The following CHD2 variants were observed in gnomAD, a reference collection of about 807,000 sequenced individuals.
The protein encoded by CHD2 is chromodomain helicase DNA binding protein 2.
In CHD2, 28 loss-of-function variants were observed where a neutral mutation model predicts 243.9. The ratio of observed to expected loss-of-function variants is 0.11; its 90% CI spans 0.09 to 0.16. The LOEUF (loss-of-function observed/expected upper bound fraction) is 0.16, where lower values mean the gene tolerates loss of function less well. Ranked by LOEUF, CHD2 falls within the 10% of genes least tolerant of loss-of-function variation. The probability of loss-of-function intolerance (pLI) is 1.00; values close to 1 mark genes in which losing one functional copy is unlikely to be tolerated. For synonymous variants in CHD2, 775 were observed against 779.0 expected (o/e 0.99, Z 0.09); for missense variants, 1,386 against 2,209.8 (o/e 0.63, Z 7.47).
intron 2 of CHD2, among the ~76,000 whole-genome samples, chr15:92,908,954 A>T (rs1338697350): frequency 1.3e-5 from 2 of 152,066 alleles, no homozygotes; most frequent in Admixed American, 1.3e-4. Flanking sequence ...CCCTGTCTCT[A>T]CTAAAAATAC....
Position 92,944,369 on chromosome 15 carries a change from C to T in CHD2, c.1053-46C>T, listed in dbSNP as rs199775454. 1.8e-3 allele frequency: 2,016 copies of T among 1,143,518 alleles called. 6 individuals are homozygous for T. The highest frequency in any genetic ancestry group is 2.1e-3 in the Non-Finnish European group (1,622 of 766,650). 70.8% of individuals were successfully genotyped at this position (1,143,518 alleles called of 1,614,324 possible). A position where few individuals can be genotyped will look rare whatever the true frequency, so the allele number is the denominator to read the frequency against. ...CTTTTGCTTTGATGTATGTGGATCC[C>T]CAGACTTTAGTTTATGTGTACTTTT... On this transcript the variant is annotated intron_variant, in intron 9 of 38. Transcript: ENST00000394196.
intron 7 of CHD2, among the ~76,000 whole-genome samples, chr15:92,940,908 A>ATG (rs2053361895): frequency 2.2e-5 from 2 of 92,088 alleles, no homozygotes; most frequent in South Asian, 4.1e-4. Flanking sequence ...ATATAAATAT[A>ATG]TATATAAATA....
At position 92,981,548 on chromosome 15, in the gene CHD2, G is replaced by T. The variant is rs1463895670; in HGVS notation, c.3066+91G>T. The T allele has an allele frequency of 2.0e-5, 19 of 943,806 alleles. 1 individual carries two copies. In the South Asian group the frequency reaches 2.7e-4, roughly 13 times the overall value. The allele number at this position is 943,806 out of a possible 1,614,324, so 58.5% of individuals were successfully genotyped here. On this transcript the variant is annotated intron_variant, in intron 24 of 38. Transcript: ENST00000394196. The stretch of plus-strand genomic sequence containing the variant: ...ACGCTTTCTTTGTGCTAGGCGCTCT[G>T]CTTTTCTCTTTACCTGAATTGAGTC...
At chr15:93,023,679 G>GTTTTTTTTTTTTTT (rs150306581) in intron 38 of CHD2, among the ~76,000 whole-genome samples, 1 of 143,438 alleles carries the variant, frequency 7.0e-6, no homozygotes. Flanking sequence ...TTTTTTTTTT[G>GTTTTTTTTTTTTTT]TGTTTTTTTT....
chr15:93,007,006 G>A (rs568270161), intron 34 of CHD2, among the ~76,000 whole-genome samples: 3 of 152,312 alleles, frequency 2.0e-5, no homozygotes, highest in African/African-American at 7.2e-5. Context: ...CAGTGAAATT[G>A]TTGCCCATAT....
intron 33 of CHD2, among the ~76,000 whole-genome samples, chr15:93,003,140 C>T (rs1440113719): frequency 1.3e-5 from 2 of 152,094 alleles, no homozygotes; most frequent in Non-Finnish European, 2.9e-5. Context: ...AAAAATCTAG[C>T]TGGGCATTGC....
rs1465206248 is a variant in CHD2, at chr15:92,936,553, C to A, written c.444-965C>A. Among the ~76,000 whole-genome samples the A allele has an allele frequency of 2.6e-5, 4 of 152,312 alleles. No homozygotes were observed. The South Asian group carries it at 8.3e-4, about 32-fold the overall frequency. On this transcript the variant is annotated intron_variant, in intron 5 of 38. Coordinates refer to ENST00000394196, the MANE Select transcript of CHD2 (RefSeq NM_001271.4). The stretch of plus-strand genomic sequence containing the variant: ...GGACGCCTGTAGGTTATGGCTCTTT[C>A]AAGCCTTCTAAGAATTCAAGGAGCA...
At chr15:92,977,569 C>T (rs1308587134) in intron 20 of CHD2, among the ~76,000 whole-genome samples, 1 of 152,172 alleles carries the variant, frequency 6.6e-6, no homozygotes, top group Non-Finnish European at 1.5e-5. Flanking sequence ...AGCACTCAGA[C>T]GCAGGCAGGT....
chr15:92,992,555 T>A (rs535932522), intron 27 of CHD2, among the ~76,000 whole-genome samples: 1 of 152,350 alleles, frequency 6.6e-6, no homozygotes, highest in South Asian at 2.1e-4. Context: ...CTTCACCTGC[T>A]GCCACTAACA....
At chr15:92,975,312 A>G (rs1197104936) in intron 20 of CHD2, among the ~76,000 whole-genome samples, 1 of 152,186 alleles carries the variant, frequency 6.6e-6, no homozygotes, top group African/African-American at 2.4e-5. Flanking sequence ...GTCCTGAAAA[A>G]TATATTTGCC....
intron 22 of CHD2, among the ~76,000 whole-genome samples, chr15:92,980,027 C>T (rs941050091): frequency 2.4e-5 from 3 of 123,192 alleles, no homozygotes; most frequent in Non-Finnish European, 3.5e-5. Context: ...GGTGGTGTTT[C>T]AGCTATGTTT....
At chr15:92,918,228 T>G (rs973000522) in intron 2 of CHD2, among the ~76,000 whole-genome samples, 2 of 152,214 alleles carry the variant, frequency 1.3e-5, no homozygotes, top group African/African-American at 2.4e-5. Context: ...TTTTACCTAC[T>G]TCAGAAAGTA....
chr15:92,974,553 A>G (rs1314959737), intron 19 of CHD2, among the ~76,000 whole-genome samples: 1 of 152,172 alleles, frequency 6.6e-6, no homozygotes, highest in Non-Finnish European at 1.5e-5. Context: ...CAGTACCTAC[A>G]GAAACAGAAG....
intron 27 of CHD2, chr15:92,991,720 C>A (rs2054122710): frequency 4.7e-6 from 2 of 429,070 alleles, no homozygotes; most frequent in Non-Finnish European, 8.2e-6. Context: ...TAAAGACAGG[C>A]CATCCATAAA....
intron 17 of CHD2, 60 bp downstream of exon 17, chr15:92,967,573 A>G (rs2053781354): frequency 8.1e-7 from 1 of 1,232,822 alleles, no homozygotes; most frequent in South Asian, 1.4e-5. Flanking sequence ...AAACTATTAG[A>G]TAGGAGATAT....
intron 34 of CHD2, among the ~76,000 whole-genome samples, chr15:93,006,364 A>G (rs1039707895): frequency 7.2e-5 from 11 of 152,150 alleles, no homozygotes; most frequent in Non-Finnish European, 1.5e-4. Flanking sequence ...TGACCTCATG[A>G]TCTGCCCACC....
At chr15:92,903,606 T>C (rs958495135) in intron 2 of CHD2, among the ~76,000 whole-genome samples, 2 of 152,242 alleles carry the variant, frequency 1.3e-5, no homozygotes, top group Non-Finnish European at 2.9e-5. Context: ...TTGATTGATA[T>C]TTGTAAAATT....
chr15:92,947,813 C>T (rs1394359118), intron 12 of CHD2, among the ~76,000 whole-genome samples: 1 of 152,082 alleles, frequency 6.6e-6, no homozygotes, highest in East Asian at 1.9e-4. Context: ...CTGCCAGCCG[C>T]CCTCATAGAG....
At chr15:92,951,288 A>G (rs958393343) in intron 13 of CHD2, among the ~76,000 whole-genome samples, 1 of 152,134 alleles carries the variant, frequency 6.6e-6, no homozygotes, top group Non-Finnish European at 1.5e-5. Context: ...CTCCTGCCTC[A>G]GGCTCTTGAG....
Sources: gnomAD v4.1 joint callset for allele counts (sites outside exome capture counted in the v4.1 genomes callset) on GRCh38, gnomAD v4.1.1 for gene constraint, MANE v1.5 for transcripts, NCBI Gene and HGNC (gene_info 2026-07-23, HGNC 2026-07-21) for gene names.